Variants in TMCC1 observed in about 807,000 individuals in gnomAD.
TMCC1 encodes transmembrane and coiled-coil domains protein 1.
TMCC1 carries 15 observed loss-of-function variants against 52.4 expected under a neutral mutation model. The ratio of observed to expected loss-of-function variants is 0.29; its 90% CI spans 0.19 to 0.44. TMCC1 has a LOEUF of 0.44. Ranked by LOEUF, TMCC1 falls within the 20% of genes least tolerant of loss-of-function variation. The pLI is 1.00. For synonymous variants in TMCC1, 279 were observed against 301.9 expected (o/e 0.92, Z 0.79); for missense variants, 503 against 806.0 (o/e 0.62, Z 4.55).
Position 129,702,992 on chromosome 3 carries a change from A to G in TMCC1, c.577-31728T>C, listed in dbSNP as rs375218929. The stretch of plus-strand genomic sequence containing the variant: ...GATTGCATCGCTGCACTCCAGCCTG[A>G]GCAACAGAGCGAGACTTTGTCTCAA... On this transcript the variant is annotated intron_variant, in intron 4 of 6. Coordinates refer to ENST00000393238, the MANE Select transcript of TMCC1 (RefSeq NM_001017395.5). Among the ~76,000 whole-genome samples the G allele has an allele frequency of 2.6e-5, 4 of 152,300 alleles. No homozygotes were observed. In the East Asian group the frequency reaches 5.8e-4, roughly 22 times the overall value.
chr3:129,799,286 A>G (rs2057037828), intron 4 of TMCC1, among the ~76,000 whole-genome samples: 2 of 152,170 alleles, frequency 1.3e-5, no homozygotes, highest in Admixed American at 1.3e-4. Flanking sequence ...AACTTGTATC[A>G]TGCGTTACCT....
At chr3:129,786,401 A>G (rs978271309) in intron 4 of TMCC1, among the ~76,000 whole-genome samples, 1 of 152,158 alleles carries the variant, frequency 6.6e-6, no homozygotes, top group Non-Finnish European at 1.5e-5. Flanking sequence ...AGGAGTATGC[A>G]CCAGACTGGT....
intron 6 of TMCC1, 133 bp downstream of exon 6, chr3:129,654,835 A>C: frequency 8.1e-7 from 1 of 1,232,218 alleles, no homozygotes; most frequent in South Asian, 1.6e-5. Flanking sequence ...TTTTAAGAGT[A>C]GGTATACTCT....
chr3:129,861,787 T>C (rs1275000263), intron 2 of TMCC1, among the ~76,000 whole-genome samples: 1 of 152,240 alleles, frequency 6.6e-6, no homozygotes, highest in Non-Finnish European at 1.5e-5. Context: ...CCAAGCAGTT[T>C]GTTTTTGGAA....
intron 4 of TMCC1, among the ~76,000 whole-genome samples, chr3:129,737,176 C>T (rs901905627): frequency 6.6e-6 from 1 of 152,000 alleles, no homozygotes; most frequent in Non-Finnish European, 1.5e-5. Flanking sequence ...ATAAAAGAGG[C>T]TAGAGGGGGG....
intron 4 of TMCC1, among the ~76,000 whole-genome samples, chr3:129,815,618 A>G (rs2058059498): frequency 6.6e-6 from 1 of 152,204 alleles, no homozygotes; most frequent in African/African-American, 2.4e-5. Flanking sequence ...AACAACTTAA[A>G]TCTAAGACTG....
chr3:129,709,182 G>A (rs937494170), intron 4 of TMCC1, among the ~76,000 whole-genome samples: 22 of 152,092 alleles, frequency 1.4e-4, no homozygotes, highest in African/African-American at 5.3e-4. Flanking sequence ...ACTTTAGATT[G>A]TCCGGTGTAG....
At chr3:129,696,994 C>T (rs1488392621) in intron 4 of TMCC1, among the ~76,000 whole-genome samples, 1 of 152,188 alleles carries the variant, frequency 6.6e-6, no homozygotes, top group African/African-American at 2.4e-5. Context: ...GCAGCTTTTC[C>T]AGGTGCACAG....
At chr3:129,891,063 G>C (rs2061943384) in intron 1 of TMCC1, among the ~76,000 whole-genome samples, 1 of 152,248 alleles carries the variant, frequency 6.6e-6, no homozygotes, top group African/African-American at 2.4e-5. Context: ...AACAAGAGCA[G>C]CTCATCTGCA....
At chr3:129,681,182 C>A (rs2088945840) in intron 4 of TMCC1, among the ~76,000 whole-genome samples, 1 of 151,920 alleles carries the variant, frequency 6.6e-6, no homozygotes, top group Non-Finnish European at 1.5e-5. Flanking sequence ...AAAAGAAATA[C>A]CTGGTTTGAG....
At chr3:129,852,641 T>A (rs2059969710) in intron 2 of TMCC1, among the ~76,000 whole-genome samples, 2 of 152,112 alleles carry the variant, frequency 1.3e-5, no homozygotes, top group Admixed American at 1.3e-4. Flanking sequence ...ACATTATGAA[T>A]GTATTTAATA....
intron 2 of TMCC1, among the ~76,000 whole-genome samples, chr3:129,844,161 T>C (rs908664648): frequency 3.3e-5 from 5 of 152,174 alleles, no homozygotes; most frequent in Admixed American, 3.3e-4. Context: ...CACATTAGAC[T>C]ATTCCAATAT....
chr3:129,797,512 C>T (rs113969602), intron 4 of TMCC1, among the ~76,000 whole-genome samples: 1,776 of 152,226 alleles, frequency 0.012, 16 homozygotes, highest in Non-Finnish European at 0.017. Flanking sequence ...GAGGCCAAGG[C>T]AGGCAGATTG....
chr3:129,700,321 C>G (rs554614690), intron 4 of TMCC1, among the ~76,000 whole-genome samples: 2 of 152,166 alleles, frequency 1.3e-5, no homozygotes, highest in Non-Finnish European at 2.9e-5. Flanking sequence ...CTATTAAGTT[C>G]AAAATCATCT....
chr3:129,680,470 C>T (rs900316886), intron 4 of TMCC1, among the ~76,000 whole-genome samples: 3 of 152,162 alleles, frequency 2.0e-5, no homozygotes, highest in Non-Finnish European at 4.4e-5. Context: ...GGTCACATAG[C>T]CAATAAGCAG....
chr3:129,832,944 T>G (rs1577023049), intron 2 of TMCC1, 118 bp from the exon 3 acceptor site: 1 of 152,338 alleles, frequency 6.6e-6, no homozygotes. Context: ...AGCCCTCATC[T>G]CTCACTGGTA....
At chr3:129,739,540 T>G (rs1383017889) in intron 4 of TMCC1, among the ~76,000 whole-genome samples, 1 of 152,236 alleles carries the variant, frequency 6.6e-6, no homozygotes, top group Non-Finnish European at 1.5e-5. Context: ...AGTTTCTACA[T>G]GAGCTGAAGG....
chr3:129,694,323 T>A (rs375427152), intron 4 of TMCC1, among the ~76,000 whole-genome samples: 8 of 152,242 alleles, frequency 5.3e-5, no homozygotes, highest in African/African-American at 1.9e-4. Context: ...CAAAGATAGT[T>A]CAAGGATGCC....
At chr3:129,707,626 A>G (rs1170082947) in intron 4 of TMCC1, among the ~76,000 whole-genome samples, 4 of 152,242 alleles carry the variant, frequency 2.6e-5, no homozygotes, top group African/African-American at 9.6e-5. Flanking sequence ...TTAAAATTTT[A>G]TTGCAAACAT....
Sources: allele counts gnomAD v4.1 joint callset (sites outside exome capture counted in the v4.1 genomes callset), GRCh38; gene constraint gnomAD v4.1.1; transcripts MANE v1.5; gene names NCBI Gene and HGNC (gene_info 2026-07-23, HGNC 2026-07-21).